The following GP6 variants were observed in gnomAD, a reference collection of about 807,000 sequenced individuals.
GP6 encodes the protein glycoprotein VI platelet, also known as platelet glycoprotein VI.
A neutral mutation model predicts 37.3 loss-of-function variants in GP6; 45 were observed. The ratio of observed to expected loss-of-function variants is 1.21; its 90% confidence interval spans 0.95 to 1.55. The LOEUF (loss-of-function observed/expected upper bound fraction) is 1.55, where lower values mean the gene tolerates loss of function less well. Ranked by LOEUF, GP6 falls within the 40% of genes most tolerant of loss-of-function variation. GP6 has a pLI of 0.00. For synonymous variants in GP6, 340 were observed against 316.4 expected, an observed-to-expected ratio of 1.07 and a Z score of -0.79; for missense variants, 813 against 760.2, an observed-to-expected ratio of 1.07 and a Z score of -0.82.
At chr19:55,031,436 G>C (rs1177673544) in intron 3 of GP6, among the ~76,000 whole-genome samples, 6 of 152,106 alleles carry the variant, frequency 3.9e-5, no homozygotes, top group Admixed American at 3.9e-4. Context: ...AGTGTAGCAA[G>C]ACCCCATCGC....
intron 1 of GP6, among the ~76,000 whole-genome samples, 185 bp downstream of exon 1, chr19:55,038,018 C>A (rs17836542): frequency 1.3e-5 from 2 of 152,246 alleles, no homozygotes; most frequent in South Asian, 4.1e-4. Context: ...CATGAATACA[C>A]TGGAATAACT....
At chr19:55,037,623 CTTTTTTTTTTT>C (rs1179101360) in intron 1 of GP6, among the ~76,000 whole-genome samples, 2 of 50,452 alleles carry the variant, frequency 4.0e-5, no homozygotes, top group South Asian at 8.8e-4. Flanking sequence ...GGCACTCAGC[CTTTTTTTTTTT>C]TTTTTTTTTT....
intron 3 of GP6, among the ~76,000 whole-genome samples, chr19:55,029,261 T>C (rs955509667): frequency 7.1e-6 from 1 of 140,812 alleles, no homozygotes; most frequent in Non-Finnish European, 1.5e-5. Context: ...TTGTTTTGTT[T>C]TGTTTTGTTT....
At chr19:55,022,698 ATTCCT>A (rs1158786430) in intron 5 of GP6, among the ~76,000 whole-genome samples, 43 of 152,348 alleles carry the variant, frequency 2.8e-4, no homozygotes, top group Non-Finnish European at 4.7e-4. Flanking sequence ...AATCACAAGC[ATTCCT>A]ATACACCAAC....
In GP6 at chr19:55,014,278, G is replaced by A. The variant is rs1568585169; in HGVS notation, c.1667C>T (p.Thr556Ile). Residue 556 changes from threonine to isoleucine, a missense_variant, in exon 8 of 8, where the codon ACA becomes ATA. By Grantham distance (89) the Thr-to-Ile change is moderately conservative. Coordinates refer to ENST00000310373, the MANE Select transcript of GP6 (RefSeq NM_001083899.2). ...ACCACCACACCTGGCTAATTTTTGT[G>A]TTTTTTTGTTTTGTTGGTAGAGATG... 7.5e-7 allele frequency: 1 copy of A among 1,333,144 alleles called. No homozygotes were observed. Among genetic ancestry groups the A allele is most frequent in the African/African-American group, 1.4e-5 (1 of 69,620 alleles). 82.6% of individuals were successfully genotyped at this position (1,333,144 alleles called of 1,614,324 possible).
At chr19:55,018,013 A>G (rs2073938593) in intron 6 of GP6, among the ~76,000 whole-genome samples, 1 of 152,144 alleles carries the variant, frequency 6.6e-6, no homozygotes, top group Non-Finnish European at 1.5e-5. Flanking sequence ...GGTTACAGTG[A>G]GCCGAGATCG....
intron 3 of GP6, among the ~76,000 whole-genome samples, chr19:55,029,334 A>T (rs1455765349): frequency 6.9e-3 from 13 of 1,882 alleles, no homozygotes; most frequent in South Asian, 0.028. Flanking sequence ...ATATATATAT[A>T]TATATATATA....
intron 5 of GP6, among the ~76,000 whole-genome samples, chr19:55,023,523 T>A (rs747578085): frequency 6.6e-6 from 1 of 152,036 alleles, no homozygotes; most frequent in Non-Finnish European, 1.5e-5. Context: ...GTCCCAACTC[T>A]CTCTCTCTCT....
chr19:55,028,359 CAG>C (rs2146827398), intron 3 of GP6, among the ~76,000 whole-genome samples: 1 of 152,326 alleles, frequency 6.6e-6, no homozygotes, highest in East Asian at 1.9e-4. Flanking sequence ...AGTGAATCCT[CAG>C]AGACCTATGG....
Position 55,014,984 on chromosome 19 carries a change from C to A in GP6, c.961G>T (p.Glu321Ter). ...CTCCATCCTGACCCCCGTTTGATTT[C>A]CGGGTCAGCGGGAGGGGCGGGAGGG... Residue 321 changes from glutamate to a stop codon, truncating the protein, a stop_gained, in exon 8 of 8, where the codon GAA becomes TAA. Coordinates refer to ENST00000310373, the MANE Select transcript of GP6 (RefSeq NM_001083899.2). LOFTEE classifies it low-confidence loss of function (END_TRUNC). 6.2e-7 allele frequency: 1 copy of A among 1,613,562 alleles called. No individual in the cohort carries two copies.
At chr19:55,019,257 C>T (rs1228106906) in intron 5 of GP6, among the ~76,000 whole-genome samples, 3 of 152,032 alleles carry the variant, frequency 2.0e-5, no homozygotes, top group Non-Finnish European at 4.4e-5. Context: ...AGGCACCTGC[C>T]ATCACGCCTG....
chr19:55,029,568 T>TTA (rs1307887613), intron 3 of GP6, among the ~76,000 whole-genome samples: 4 of 150,026 alleles, frequency 2.7e-5, no homozygotes, highest in African/African-American at 7.4e-5. Flanking sequence ...TTTTGTATGT[T>TTA]TAGTAGAGAC....
chr19:55,037,298 A>G (rs1054003626), intron 1 of GP6, among the ~76,000 whole-genome samples: 5 of 152,026 alleles, frequency 3.3e-5, no homozygotes, highest in African/African-American at 1.2e-4. Context: ...GATACTGACA[A>G]ATTAAATCCA....
At chr19:55,018,593 A>AAGAG in intron 6 of GP6, 59 bp downstream of exon 6, 1 of 953,734 alleles carries the variant, frequency 1.0e-6, no homozygotes, top group Non-Finnish European at 1.7e-6. Flanking sequence ...TAGATAATGG[A>AAGAG]AGAGAGAGCT....
intron 1 of GP6, among the ~76,000 whole-genome samples, chr19:55,037,048 C>T (rs905018141): frequency 1.3e-5 from 2 of 152,134 alleles, no homozygotes; most frequent in African/African-American, 4.8e-5. Context: ...AGAATACATC[C>T]ATGGATGGAT....
intron 1 of GP6, among the ~76,000 whole-genome samples, chr19:55,033,562 C>T (rs1942211990): frequency 6.6e-6 from 1 of 150,970 alleles, no homozygotes; most frequent in Non-Finnish European, 1.5e-5. Flanking sequence ...TCGTGTTAGA[C>T]ATTGCCCATT....
chr19:55,032,555 G>A lies in GP6; in HGVS notation c.35-17C>T, dbSNP rs775974211. ...GACACAGCCCTGAGGAAAGAAGAAA[G>A]GGACCAGATGCCAGGACTCGCTTTT... On this transcript the variant is annotated splice_polypyrimidine_tract_variant and intron_variant, in intron 1 of 7. Transcript: ENST00000310373. 6.2e-7 allele frequency: 1 copy of A among 1,613,344 alleles called. No individual in the cohort carries two copies. Among genetic ancestry groups the A allele is most frequent in the East Asian group, 2.2e-5 (1 of 44,898 alleles).
intron 6 of GP6, among the ~76,000 whole-genome samples, chr19:55,016,899 T>C (rs1463427888): frequency 6.6e-6 from 1 of 151,470 alleles, no homozygotes; most frequent in Admixed American, 6.6e-5. Context: ...TTACTAAAAA[T>C]ACAAAAAATA....
At position 55,032,056 on chromosome 19, in the gene GP6, T is replaced by C. The variant is rs1005896762; in HGVS notation, c.325+83A>G. The C allele has an allele frequency of 2.5e-5, 35 of 1,408,264 alleles. No individual in the cohort carries two copies. The African/African-American group carries it at 4.8e-4, about 19-fold the overall frequency. The allele number at this position is 1,408,264 out of a possible 1,614,324, so 87.2% of individuals were successfully genotyped here. A position where few individuals can be genotyped will look rare whatever the true frequency, so the allele number is the denominator to read the frequency against. The stretch of plus-strand genomic sequence containing the variant: ...GGCCAGTGCCTCGTTTGCCTCACCC[T>C]AATCCCTGCCCTCAATGTCCCCCGT... On this transcript the variant is annotated intron_variant, in intron 3 of 7. Coordinates refer to ENST00000310373, the MANE Select transcript of GP6 (RefSeq NM_001083899.2).
Sources: gnomAD v4.1 joint callset for allele counts (sites outside exome capture counted in the v4.1 genomes callset) on GRCh38, gnomAD v4.1.1 for gene constraint, MANE v1.5 for transcripts, NCBI Gene and HGNC (gene_info 2026-07-23, HGNC 2026-07-21) for gene names.